Variants in TBC1D2 observed in about 807,000 individuals in gnomAD.
TBC1D2 encodes TBC1 domain family member 2, also known as TBC1 domain family member 2A.
In TBC1D2, 58 loss-of-function variants were observed where a neutral mutation model predicts 91.1. That is an observed-to-expected ratio of 0.64 (90% CI 0.52 to 0.79). The LOEUF is 0.79. TBC1D2 is among the 30% of genes least tolerant of loss of function. The pLI, the probability that TBC1D2 is intolerant of heterozygous loss-of-function variation, is 0.00. For synonymous variants in TBC1D2, 482 were observed against 511.5 expected (o/e 0.94, Z 0.78); for missense variants, 1,080 against 1,208.3 (o/e 0.89, Z 1.57).
intron 3 of TBC1D2, among the ~76,000 whole-genome samples, chr9:98,242,791 C>T (rs962617240): frequency 3.4e-5 from 5 of 148,270 alleles, no homozygotes; most frequent in African/African-American, 1.3e-4. Context: ...AAAGCCCAGG[C>T]CACACTGCTG....
At chr9:98,231,279 C>CTTTGTTT (rs1829362112) in intron 4 of TBC1D2, among the ~76,000 whole-genome samples, 1 of 76,740 alleles carries the variant, frequency 1.3e-5, no homozygotes, top group African/African-American at 5.5e-5. Context: ...CTCAACTCTG[C>CTTTGTTT]TTTTTTTTTT....
At chr9:98,237,433 C>T (rs967347244) in intron 3 of TBC1D2, among the ~76,000 whole-genome samples, 1 of 150,942 alleles carries the variant, frequency 6.6e-6, no homozygotes, top group African/African-American at 2.4e-5. Context: ...GTGCACCTTG[C>T]AACAGCACCA....
intron 1 of TBC1D2, among the ~76,000 whole-genome samples, chr9:98,253,561 G>C (rs1829913056): frequency 6.6e-6 from 1 of 152,172 alleles, no homozygotes; most frequent in Non-Finnish European, 1.5e-5. Flanking sequence ...GGGCCCCTCT[G>C]TTTTTCTGGC....
At chr9:98,209,976 GCAC>G (rs1828786418) in intron 8 of TBC1D2, among the ~76,000 whole-genome samples, 2 of 148,980 alleles carry the variant, frequency 1.3e-5, no homozygotes, top group South Asian at 4.2e-4. Flanking sequence ...CTACAGGCGT[GCAC>G]CACCACTCTT....
rs774068042 is a variant in TBC1D2 at position 98,228,961 on chromosome 9, CTTT to C, written c.966_968del (p.Lys323del). On this transcript the variant is annotated inframe_deletion, in exon 5 of 13. Transcript: ENST00000465784. This position sits in a 1 kb window ranked among gnomAD's most constrained non-coding sequence, Gnocchi z 4.0. ...TGGGACCAGACCTCACCTTCTGAGA[CTTT>C]AACTCCTTGGTGAGCATCAGAACCT... is the stretch of plus-strand genomic sequence containing the variant. 5.9e-5 allele frequency: 96 copies of C among 1,613,992 alleles called. No homozygotes were observed. Among genetic ancestry groups the C allele is most frequent in the Non-Finnish European group, 7.5e-5 (89 of 1,179,974 alleles).
intron 6 of TBC1D2, among the ~76,000 whole-genome samples, chr9:98,216,314 AC>A (rs969695198): frequency 4.7e-5 from 7 of 149,506 alleles, no homozygotes; most frequent in African/African-American, 1.7e-4. Context: ...CCCACCCTGC[AC>A]CCACCCCCTC....
intron 4 of TBC1D2, among the ~76,000 whole-genome samples, chr9:98,232,140 C>G (rs1212715522): frequency 6.6e-6 from 1 of 152,048 alleles, no homozygotes; most frequent in Non-Finnish European, 1.5e-5. Flanking sequence ...TTGTATAGTA[C>G]ATGAATATAT....
intron 4 of TBC1D2, among the ~76,000 whole-genome samples, chr9:98,229,939 ACTAT>A (rs1239866141): frequency 6.6e-6 from 1 of 152,242 alleles, no homozygotes; most frequent in Non-Finnish European, 1.5e-5. Flanking sequence ...TCGAATCGTT[ACTAT>A]CTTGCTCTTT....
intron 3 of TBC1D2, among the ~76,000 whole-genome samples, chr9:98,242,566 C>T (rs536372491): frequency 5.9e-5 from 9 of 152,238 alleles, no homozygotes; most frequent in Non-Finnish European, 1.2e-4. Flanking sequence ...ATAGCAGCAG[C>T]AGCTAATATG....
intron 1 of TBC1D2, among the ~76,000 whole-genome samples, chr9:98,254,927 C>G (rs543264564): frequency 6.6e-6 from 1 of 152,180 alleles, no homozygotes; most frequent in Non-Finnish European, 1.5e-5. Context: ...GCATGGACCT[C>G]GAGCCAGTCC....
chr9:98,247,953 T>C (rs1278148937), intron 2 of TBC1D2, among the ~76,000 whole-genome samples: 1 of 152,210 alleles, frequency 6.6e-6, no homozygotes, highest in African/African-American at 2.4e-5. Flanking sequence ...TGCTAATATC[T>C]GTTTTCTTGT....
In TBC1D2 at chr9:98,255,567, G is replaced by C. The variant is rs770209315; in HGVS notation, c.-26C>G. The C allele has an allele frequency of 1.9e-5, 28 of 1,484,906 alleles. No homozygotes were observed. The South Asian group carries it at 3.9e-4, about 21-fold the overall frequency. The allele number at this position is 1,484,906 out of a possible 1,614,324, so 92.0% of individuals were successfully genotyped here. A position where few individuals can be genotyped will look rare whatever the true frequency, so the allele number is the denominator to read the frequency against. On this transcript the variant is annotated 5_prime_UTR_variant, in exon 1 of 13. Coordinates refer to ENST00000465784, the MANE Select transcript of TBC1D2 (RefSeq NM_001267571.2). ...CGCTGCCAGCCGGAGACTGCGGAGGGACGAGGGGTCCGCGGGACCACCAGG... is the reference window on the plus strand; with the variant it reads ...CGCTGCCAGCCGGAGACTGCGGAGGCACGAGGGGTCCGCGGGACCACCAGG...
At chr9:98,243,897 C>T (rs910627340) in intron 3 of TBC1D2, 97 bp downstream of exon 3, 32 of 1,482,284 alleles carry the variant, frequency 2.2e-5, no homozygotes, top group African/African-American at 5.6e-5. Context: ...AACCCTCTCC[C>T]GGGGCCCATC....
intron 6 of TBC1D2, among the ~76,000 whole-genome samples, chr9:98,216,329 C>A (rs1208658176): frequency 1.3e-5 from 2 of 151,584 alleles, no homozygotes; most frequent in Admixed American, 6.6e-5. Flanking sequence ...CCCCCTCAGT[C>A]GGCTCACAGA....
rs1829089979 is a variant in TBC1D2 at position 98,221,103 on chromosome 9, C to T, written c.1104G>A (p.Gln368=). ...CCACCCGCCGGCCCAGCTCCGCGAT[C>T]TGCCGCACTTTGTGCCGCACCAGCT... The part of the protein sequence containing the change: ...RLELVRHKVR[Q]IAELGRRVEA... The change falls in exon 6 of 13, where the codon CAG becomes CAA. Residue 368 remains glutamine (Q), a synonymous_variant. Coordinates refer to ENST00000465784, the MANE Select transcript of TBC1D2 (RefSeq NM_001267571.2). 1.2e-6 allele frequency: 2 copies of T among 1,604,994 alleles called. No homozygotes were observed. The highest frequency in any genetic ancestry group is 2.2e-5 in the South Asian group (2 of 90,144).
chr9:98,219,024 TTTGCA>T (rs1829034412), intron 6 of TBC1D2, among the ~76,000 whole-genome samples: 1 of 152,220 alleles, frequency 6.6e-6, no homozygotes, highest in Non-Finnish European at 1.5e-5. Flanking sequence ...TCTGGCTGCA[TTTGCA>T]TTGGAAAGGT....
intron 9 of TBC1D2, among the ~76,000 whole-genome samples, chr9:98,208,298 C>T (rs1828708801): frequency 6.6e-6 from 1 of 152,102 alleles, no homozygotes; most frequent in South Asian, 2.1e-4. Context: ...AAACAACGGT[C>T]CCCAACCTTT....
At chr9:98,243,962 T>G (rs1218604337) in intron 3 of TBC1D2, 32 bp downstream of exon 3, 3 of 1,583,876 alleles carry the variant, frequency 1.9e-6, no homozygotes, top group Middle Eastern at 3.4e-4. Context: ...TGCCTGCAGC[T>G]TGGCTAGCCC....
At chr9:98,209,255 G>C (rs750373482) in intron 8 of TBC1D2, 111 bp from the exon 9 acceptor site, 4 of 1,020,644 alleles carry the variant, frequency 3.9e-6, no homozygotes, top group African/African-American at 3.2e-5. Flanking sequence ...TTCACTGAGG[G>C]TTAACCACAC....
Sources: gnomAD v4.1 joint callset for allele counts (sites outside exome capture counted in the v4.1 genomes callset) on GRCh38, gnomAD v4.1.1 for gene constraint, Gnocchi (gnomAD v3.1) non-coding constraint, MANE v1.5 for transcripts, NCBI Gene and HGNC (gene_info 2026-07-23, HGNC 2026-07-21) for gene names.